UNC5C: variants seen among roughly 807,000 people sequenced by gnomAD.
UNC5C encodes the protein netrin receptor UNC5C.
Under a neutral mutation model 99.8 loss-of-function variants are expected in UNC5C, and 47 were observed. The observed-to-expected ratio is 0.47, with a 90% confidence interval of 0.37 to 0.60. UNC5C has a LOEUF of 0.60. Among genes scored for constraint, UNC5C ranks in the 20% least tolerant of loss-of-function variants. UNC5C has a pLI of 0.00. For missense variants in UNC5C, 1,062 were observed against 1,165.9 expected, an observed-to-expected ratio of 0.91 and a Z score of 1.30; for synonymous variants, 487 against 452.2, an observed-to-expected ratio of 1.08 and a Z score of -0.98.
intron 1 of UNC5C, among the ~76,000 whole-genome samples, chr4:95,415,498 G>A (rs1423520587): frequency 6.6e-6 from 1 of 152,034 alleles, no homozygotes; most frequent in Non-Finnish European, 1.5e-5. Context: ...AACAAAAAAG[G>A]CAAGTAGATG....
At chr4:95,502,633 C>A (rs182249863) in intron 1 of UNC5C, among the ~76,000 whole-genome samples, 36 of 152,274 alleles carry the variant, frequency 2.4e-4, no homozygotes, top group Non-Finnish European at 4.4e-4. Context: ...AGTTACACGA[C>A]AATGCATATA....
intron 2 of UNC5C, among the ~76,000 whole-genome samples, chr4:95,318,035 T>G (rs1742544468): frequency 6.6e-6 from 1 of 152,130 alleles, no homozygotes; most frequent in African/African-American, 2.4e-5. Context: ...AAGTCATTAG[T>G]TAAAGATCTT....
intron 8 of UNC5C, among the ~76,000 whole-genome samples, 164 bp from the exon 9 acceptor site, chr4:95,219,477 C>T (rs1376340838): frequency 2.0e-5 from 3 of 152,160 alleles, no homozygotes; most frequent in African/African-American, 7.2e-5. Context: ...AGATAACTAC[C>T]AGCTCTTTTA....
chr4:95,548,014 A>T (rs1302085078), intron 1 of UNC5C, among the ~76,000 whole-genome samples: 2 of 152,196 alleles, frequency 1.3e-5, no homozygotes, highest in Admixed American at 1.3e-4. Flanking sequence ...TTGAACAAGC[A>T]GCCGGTTCCC....
At chr4:95,417,039 G>A (rs1470655063) in intron 1 of UNC5C, among the ~76,000 whole-genome samples, 1 of 152,074 alleles carries the variant, frequency 6.6e-6, no homozygotes, top group Non-Finnish European at 1.5e-5. Context: ...GGAGAAAAGG[G>A]GGCCAAGGAA....
Position 95,410,279 on chromosome 4 carries a change from A to G in UNC5C, c.125-74648T>C, listed in dbSNP as rs565870366. The stretch of plus-strand genomic sequence containing the variant: ...ACCAGCCCTAATCCACTGGGTTGTA[A>G]TGTCCCTGTACCACTCTAAATGCAT... On this transcript the variant is annotated intron_variant, in intron 1 of 15. Transcript: ENST00000453304. Among the ~76,000 whole-genome samples the G allele has an allele frequency of 2.0e-5, 3 of 152,212 alleles. No homozygotes were observed. In the East Asian group the frequency reaches 5.8e-4, roughly 29 times the overall value.
At chr4:95,234,101 C>A (rs1268466989) in intron 7 of UNC5C, among the ~76,000 whole-genome samples, 2 of 151,886 alleles carry the variant, frequency 1.3e-5, no homozygotes, top group African/African-American at 4.8e-5. Flanking sequence ...TCTATGTGTC[C>A]TGTTCTCTGT....
At chr4:95,231,052 A>T (rs1431181291) in intron 7 of UNC5C, among the ~76,000 whole-genome samples, 1 of 152,198 alleles carries the variant, frequency 6.6e-6, no homozygotes, top group African/African-American at 2.4e-5. Context: ...TATTAGGTGG[A>T]CAGCAAACAG....
chr4:95,298,676 C>G (rs1369861768), intron 3 of UNC5C, among the ~76,000 whole-genome samples: 1 of 152,144 alleles, frequency 6.6e-6, no homozygotes, highest in Non-Finnish European at 1.5e-5. Flanking sequence ...ACCATCTGCT[C>G]TAGACCTGAT....
At position 95,286,527 on chromosome 4, in the gene UNC5C, G is replaced by A. The variant is rs539834560; in HGVS notation, c.491-8165C>T. Among the ~76,000 whole-genome samples the A allele has an allele frequency of 5.3e-5, 8 of 152,328 alleles. No individual in the cohort carries two copies. The South Asian group carries it at 6.2e-4, about 12-fold the overall frequency. ...TCTAAATGCCTGCTTTACTGGGTCCGTGTTGGTGTGTCCACAGAGTCCCAG... is the reference window on the plus strand; with the variant it reads ...TCTAAATGCCTGCTTTACTGGGTCCATGTTGGTGTGTCCACAGAGTCCCAG... On this transcript the variant is annotated intron_variant, in intron 3 of 15. Coordinates refer to ENST00000453304, the MANE Select transcript of UNC5C (RefSeq NM_003728.4).
chr4:95,346,301 G>A (rs1384968619), intron 1 of UNC5C, among the ~76,000 whole-genome samples: 1 of 151,828 alleles, frequency 6.6e-6, no homozygotes, highest in Non-Finnish European at 1.5e-5. Context: ...AAGTCTCCCA[G>A]CAAAGAAAAG....
At chr4:95,343,608 C>G (rs1743659744) in intron 1 of UNC5C, among the ~76,000 whole-genome samples, 1 of 151,862 alleles carries the variant, frequency 6.6e-6, no homozygotes, top group African/African-American at 2.4e-5. Flanking sequence ...CACCACTGGC[C>G]AATGCTGGAG....
At chr4:95,291,544 C>T (rs970878782) in intron 3 of UNC5C, among the ~76,000 whole-genome samples, 14 of 152,092 alleles carry the variant, frequency 9.2e-5, no homozygotes, top group South Asian at 2.1e-4. Flanking sequence ...TCTATGAATT[C>T]GTTGTCTACC....
At chr4:95,210,521 T>C (rs753252413) in intron 10 of UNC5C, among the ~76,000 whole-genome samples, 2 of 152,220 alleles carry the variant, frequency 1.3e-5, no homozygotes, top group Non-Finnish European at 2.9e-5. Context: ...TCTCAGATTC[T>C]TGTTTTTGCA....
intron 1 of UNC5C, among the ~76,000 whole-genome samples, chr4:95,355,614 C>T (rs377690971): frequency 3.9e-5 from 6 of 151,994 alleles, no homozygotes; most frequent in East Asian, 3.9e-4. Flanking sequence ...GCGCCCCACC[C>T]CCCCAGCATG....
intron 2 of UNC5C, among the ~76,000 whole-genome samples, chr4:95,305,251 G>T (rs1742020254): frequency 6.6e-6 from 1 of 152,146 alleles, no homozygotes; most frequent in Non-Finnish European, 1.5e-5. Context: ...TGACTCAGAA[G>T]AATTCCGTAG....
intron 1 of UNC5C, among the ~76,000 whole-genome samples, chr4:95,364,992 C>T (rs1485495194): frequency 3.3e-5 from 5 of 151,344 alleles, no homozygotes; most frequent in African/African-American, 4.8e-5. Flanking sequence ...TATTTATTTA[C>T]ATGTAAAAAA....
At chr4:95,332,469 G>C (rs1743154264) in intron 2 of UNC5C, among the ~76,000 whole-genome samples, 1 of 150,108 alleles carries the variant, frequency 6.7e-6, no homozygotes, top group Admixed American at 6.7e-5. Context: ...AAGCAATGGG[G>C]AAAGGATTCC....
intron 1 of UNC5C, among the ~76,000 whole-genome samples, chr4:95,402,672 G>T (rs572552546): frequency 1.3e-5 from 2 of 152,142 alleles, no homozygotes; most frequent in Non-Finnish European, 2.9e-5. Flanking sequence ...ATATAAATAT[G>T]CTATAACACA....
Sources: allele counts gnomAD v4.1 joint callset (sites outside exome capture counted in the v4.1 genomes callset), GRCh38; gene constraint gnomAD v4.1.1; transcripts MANE v1.5; gene names NCBI Gene and HGNC (gene_info 2026-07-23, HGNC 2026-07-21).